Variants in ZNF385D observed in about 807,000 individuals in gnomAD.
ZNF385D encodes zinc finger protein 659.
In ZNF385D, 15 loss-of-function variants were observed where a neutral mutation model predicts 35.8. That is an observed-to-expected ratio of 0.42 (90% CI 0.28 to 0.64). The LOEUF is 0.64. Among genes scored for constraint, ZNF385D ranks in the 30% least tolerant of loss-of-function variants. The pLI is 0.23. For missense variants in ZNF385D, 474 were observed against 494.6 expected, an observed-to-expected ratio of 0.96 and a Z score of 0.39; for synonymous variants, 212 against 186.8, an observed-to-expected ratio of 1.13 and a Z score of -1.10.
chr3:21,933,205 ATATTT>A (rs1460412137), intron 3 of ZNF385D, among the ~76,000 whole-genome samples: 1 of 152,190 alleles, frequency 6.6e-6, no homozygotes, highest in Non-Finnish European at 1.5e-5. Flanking sequence ...TTTCCAAATA[ATATTT>A]TATGTTGCTT....
chr3:22,062,441 A>G (rs1337520670), intron 3 of ZNF385D, among the ~76,000 whole-genome samples: 1 of 152,194 alleles, frequency 6.6e-6, no homozygotes, highest in African/African-American at 2.4e-5. Context: ...GAGCAAGTCT[A>G]AGTTCATAAC....
At chr3:21,532,844 A>G (rs1221518040) in intron 3 of ZNF385D, among the ~76,000 whole-genome samples, 1 of 152,182 alleles carries the variant, frequency 6.6e-6, no homozygotes, top group African/African-American at 2.4e-5. Context: ...TTTAAGAAAC[A>G]CACTTAAGGT....
chr3:22,042,420 T>C (rs759271353), intron 3 of ZNF385D, among the ~76,000 whole-genome samples: 4 of 151,952 alleles, frequency 2.6e-5, no homozygotes, highest in Non-Finnish European at 5.9e-5. Context: ...CTATACTTAG[T>C]TGTGATAGGG....
intron 3 of ZNF385D, among the ~76,000 whole-genome samples, chr3:22,100,853 G>A (rs1285491965): frequency 2.0e-5 from 3 of 151,402 alleles, no homozygotes; most frequent in South Asian, 4.2e-4. Flanking sequence ...ATAAAAAAAA[G>A]AAAATCACAT....
intron 3 of ZNF385D, among the ~76,000 whole-genome samples, chr3:21,819,862 CATAT>C (rs1228300818): frequency 6.8e-6 from 1 of 147,552 alleles, no homozygotes; most frequent in Non-Finnish European, 1.5e-5. Context: ...TAAATATACA[CATAT>C]ATACACACAT....
At chr3:21,911,240 G>A (rs562913976) in intron 3 of ZNF385D, among the ~76,000 whole-genome samples, 1 of 151,762 alleles carries the variant, frequency 6.6e-6, no homozygotes, top group Admixed American at 6.6e-5. Flanking sequence ...AAAAAATTAA[G>A]GTTTTTATGA....
At chr3:22,168,027 A>T (rs537328021) in intron 3 of ZNF385D, among the ~76,000 whole-genome samples, 2 of 152,322 alleles carry the variant, frequency 1.3e-5, no homozygotes, top group South Asian at 2.1e-4. Flanking sequence ...AAAAATCTTT[A>T]TGATGTCAAA....
chr3:21,941,632 G>A (rs1306473093), intron 3 of ZNF385D, among the ~76,000 whole-genome samples: 2 of 151,460 alleles, frequency 1.3e-5, no homozygotes, highest in African/African-American at 4.9e-5. Flanking sequence ...CGAGTAACTG[G>A]GACCACAGGC....
intron 2 of ZNF385D, among the ~76,000 whole-genome samples, chr3:22,274,534 T>A (rs1701330224): frequency 1.3e-5 from 2 of 152,028 alleles, no homozygotes; most frequent in Admixed American, 1.3e-4. Context: ...TGGCTCATGA[T>A]GTATGTGTGA....
intron 2 of ZNF385D, among the ~76,000 whole-genome samples, chr3:22,322,914 A>G (rs1159222673): frequency 1.3e-5 from 2 of 152,154 alleles, no homozygotes; most frequent in African/African-American, 4.8e-5. Context: ...GCTAAGTGTT[A>G]TATTTGTTCT....
intron 3 of ZNF385D, among the ~76,000 whole-genome samples, chr3:21,989,500 A>C (rs1695026354): frequency 6.6e-6 from 1 of 152,216 alleles, no homozygotes; most frequent in African/African-American, 2.4e-5. Flanking sequence ...ATTAGCAAAT[A>C]ATTATCATTC....
chr3:21,585,164 A>T (rs1281147299), intron 2 of ZNF385D, among the ~76,000 whole-genome samples: 2 of 152,208 alleles, frequency 1.3e-5, no homozygotes, highest in South Asian at 4.1e-4. Context: ...AATACCTGAC[A>T]TCAATAAAGT....
chr3:21,446,814 G>A (rs561148312), intron 4 of ZNF385D, among the ~76,000 whole-genome samples: 6 of 151,752 alleles, frequency 4.0e-5, no homozygotes, highest in African/African-American at 1.5e-4. Flanking sequence ...TTCTTTGAGA[G>A]ATGCACTTTT....
intron 3 of ZNF385D, among the ~76,000 whole-genome samples, chr3:22,012,347 A>G (rs536667867): frequency 6.6e-6 from 1 of 152,180 alleles, no homozygotes; most frequent in Non-Finnish European, 1.5e-5. Context: ...GGTCGATCCT[A>G]AGGACATAAC....
At chr3:22,030,538 C>T (rs1697935619) in intron 3 of ZNF385D, among the ~76,000 whole-genome samples, 1 of 151,278 alleles carries the variant, frequency 6.6e-6, no homozygotes, top group South Asian at 2.1e-4. Context: ...TAAAAAACAT[C>T]AGATCTTGGG....
intron 3 of ZNF385D, among the ~76,000 whole-genome samples, chr3:21,897,062 C>G (rs1699175084): frequency 6.6e-6 from 1 of 152,052 alleles, no homozygotes; most frequent in Non-Finnish European, 1.5e-5. Context: ...ACGTTATCAC[C>G]CAAGTACACA....
intron 3 of ZNF385D, among the ~76,000 whole-genome samples, chr3:21,791,197 C>T (rs2071913320): frequency 6.6e-6 from 1 of 152,142 alleles, no homozygotes; most frequent in African/African-American, 2.4e-5. Flanking sequence ...GTAAAAAGAA[C>T]ACAATGGACA....
At chr3:22,143,979 T>G (rs1031173841) in intron 3 of ZNF385D, among the ~76,000 whole-genome samples, 3 of 152,210 alleles carry the variant, frequency 2.0e-5, no homozygotes, top group African/African-American at 7.2e-5. Context: ...AAGTAAGTAT[T>G]GTCAGCTACA....
intron 4 of ZNF385D, among the ~76,000 whole-genome samples, chr3:21,463,996 C>G (rs887074168): frequency 6.6e-6 from 1 of 151,906 alleles, no homozygotes; most frequent in Non-Finnish European, 1.5e-5. Flanking sequence ...TGAAACAAAG[C>G]AATTAATGAA....
Sources: gnomAD v4.1 joint callset for allele counts (sites outside exome capture counted in the v4.1 genomes callset) on GRCh38, gnomAD v4.1.1 for gene constraint, MANE v1.5 for transcripts, NCBI Gene and HGNC (gene_info 2026-07-23, HGNC 2026-07-21) for gene names.